BET1: variants seen among roughly 807,000 people sequenced by gnomAD.
BET1 encodes BET1 homolog.
In BET1, 9 loss-of-function variants were observed where a neutral mutation model predicts 13.9. The observed-to-expected ratio is 0.65, with a 90% CI of 0.39 to 1.13. The LOEUF is 1.13. BET1 is among the 50% of genes most tolerant of loss of function. The pLI is 0.01. For missense variants in BET1, 127 were observed against 133.6 expected, an observed-to-expected ratio of 0.95 and a Z score of 0.24; for synonymous variants, 39 against 47.3, an observed-to-expected ratio of 0.82 and a Z score of 0.72.
At chr7:93,989,790 GCT>G (rs1280296295), downstream of BET1, among the ~76,000 whole-genome samples, 1 of 152,148 alleles carries the variant, frequency 6.6e-6, no homozygotes, top group South Asian at 2.1e-4. Flanking sequence ...GGTTTAAAAT[GCT>G]CTCTGTGTGA....
chr7:93,976,099 C>A, exon 5 of BET1: 1 of 1,224,786 alleles, frequency 8.2e-7, no homozygotes, highest in South Asian at 1.4e-5. Context: ...CTGAAGGATC[C>A]ACTGTAAAAA....
chr7:93,970,189 G>T (rs2116025414), intron 6 of BET1, among the ~76,000 whole-genome samples: 1 of 151,880 alleles, frequency 6.6e-6, no homozygotes, highest in South Asian at 2.1e-4. Flanking sequence ...AGTGGATTTT[G>T]CAAAGAATAT....
exon 7 of BET1, chr7:93,963,475 G>C (rs1043459717): frequency 5.3e-5 from 8 of 151,636 alleles, no homozygotes; most frequent in African/African-American, 1.9e-4. Flanking sequence ...TATTTTATTT[G>C]TCCATTTTTT....
chr7:93,970,802 T>G (rs1443041864), intron 6 of BET1, among the ~76,000 whole-genome samples: 1 of 151,878 alleles, frequency 6.6e-6, no homozygotes, highest in Non-Finnish European at 1.5e-5. Context: ...TTAATTCGAT[T>G]TGTATTTTAA....
At chr7:93,987,948 G>A (rs1050923252) in intron 4 of BET1, among the ~76,000 whole-genome samples, 1 of 151,960 alleles carries the variant, frequency 6.6e-6, no homozygotes, top group African/African-American at 2.4e-5. Flanking sequence ...ATAATTTTTG[G>A]TCCCCAATTA....
At chr7:93,970,094 G>A (rs2116025090) in intron 6 of BET1, among the ~76,000 whole-genome samples, 1 of 151,848 alleles carries the variant, frequency 6.6e-6, no homozygotes. Flanking sequence ...CATACAAAAT[G>A]TGTTACATTA....
chr7:93,994,356 A>C lies in BET1; in HGVS notation c.231T>G (p.Phe77Leu), dbSNP rs1795712769. Residue 77 changes from phenylalanine (F) to leucine (L), a missense_variant, in exon 4 of 4, where the codon TTT becomes TTG. Coordinates refer to ENST00000222547, the MANE Select transcript of BET1 (RefSeq NM_005868.6). ...TCAGTTTGCCCATAGTTTTACCTAG[A>C]AATCCAGTTGTGGAATCAAATTGTG... ...MDSQFDSTTG[F>L]LGKTMGKLKI... is the part of the protein sequence containing the mutation. 1.2e-6 allele frequency: 2 copies of C among 1,613,308 alleles called. No individual in the cohort carries two copies. Among genetic ancestry groups the C allele is most frequent in the African/African-American group, 2.7e-5 (2 of 74,904 alleles).
chr7:93,971,845 G>A (rs1202126212), intron 6 of BET1, among the ~76,000 whole-genome samples: 1 of 151,344 alleles, frequency 6.6e-6, no homozygotes, highest in Admixed American at 6.6e-5. Flanking sequence ...AACTTTCCAT[G>A]AAGTAATCTG....
At position 93,996,341 on chromosome 7, in the gene BET1, CA is replaced by C. The variant is rs1795771326; in HGVS notation, c.145-21del. The C allele has an allele frequency of 6.6e-7, 1 of 1,505,552 alleles. No individual in the cohort carries two copies. Among genetic ancestry groups the C allele is most frequent in the East Asian group, 2.4e-5 (1 of 41,956 alleles). The allele number at this position is 1,505,552 out of a possible 1,614,324, so 93.3% of individuals were successfully genotyped here. A position where few individuals can be genotyped will look rare whatever the true frequency, so the allele number is the denominator to read the frequency against. ...GGAAAGCTATAAAGAAGAAGGTATACACAGGATTACTCACATAAAAGTATTC... is the reference window on the plus strand; with the variant it reads ...GGAAAGCTATAAAGAAGAAGGTATACCAGGATTACTCACATAAAAGTATTC... On this transcript the variant is annotated intron_variant, in intron 2 of 3. Transcript: ENST00000222547.
In BET1 at chr7:93,993,576, T is replaced by C. The variant is rs2116110840; in HGVS notation, c.*654A>G. ...GTCAAGAGAATTCATAAAGTTAATA[T>C]GAAATAATAACTATACTGATACACA... On this transcript the variant is annotated 3_prime_UTR_variant, in exon 4 of 4. Transcript: ENST00000222547. 1 of 1,075,004 alleles carries C rather than the reference T, an allele frequency of 9.3e-7. No individual in the cohort carries two copies. The highest frequency in any genetic ancestry group is 1.1e-6 in the Non-Finnish European group (1 of 886,694). 66.6% of individuals were successfully genotyped at this position (1,075,004 alleles called of 1,614,324 possible). A position where few individuals can be genotyped will look rare whatever the true frequency, so the allele number is the denominator to read the frequency against.
chr7:93,995,288 A>G (rs1795738558), intron 3 of BET1, among the ~76,000 whole-genome samples: 1 of 152,234 alleles, frequency 6.6e-6, no homozygotes, highest in African/African-American at 2.4e-5. Flanking sequence ...GTATTAAAAC[A>G]TAGCTGGAAA....
chr7:93,981,777 C>T (rs1795434974), intron 4 of BET1, among the ~76,000 whole-genome samples: 1 of 152,194 alleles, frequency 6.6e-6, no homozygotes, highest in Non-Finnish European at 1.5e-5. Flanking sequence ...GAAGTAACAC[C>T]TTCTCTTGGT....
chr7:93,966,618 G>A (rs985563049), intron 6 of BET1, among the ~76,000 whole-genome samples: 1 of 142,442 alleles, frequency 7.0e-6, no homozygotes. Context: ...TTTTTTTTTT[G>A]GTGGGAGATA....
At chr7:93,967,056 C>T (rs926449698) in intron 6 of BET1, among the ~76,000 whole-genome samples, 11 of 151,894 alleles carry the variant, frequency 7.2e-5, no homozygotes, top group Non-Finnish European at 1.3e-4. Flanking sequence ...TCATTCACTG[C>T]CATTCCACTA....
chr7:93,985,110 C>A (rs867356551), intron 4 of BET1, among the ~76,000 whole-genome samples: 25 of 152,278 alleles, frequency 1.6e-4, no homozygotes, highest in Middle Eastern at 3.4e-3. Context: ...TGCCCTCCCC[C>A]ACACTGTCTC....
downstream of BET1, chr7:93,991,608 G>A (rs1795636454): frequency 6.0e-6 from 1 of 166,084 alleles, no homozygotes; most frequent in Non-Finnish European, 1.2e-5. Flanking sequence ...CAGCCTATGA[G>A]TATATTTCTA....
intron 4 of BET1, among the ~76,000 whole-genome samples, chr7:93,984,825 G>T (rs1795495488): frequency 6.6e-6 from 1 of 152,080 alleles, no homozygotes; most frequent in African/African-American, 2.4e-5. Context: ...AGAAAACTTA[G>T]TCATGTATTA....
In BET1 at chr7:93,987,533, T is replaced by C. The variant is rs374811618; in HGVS notation, c.235+6819A>G. The stretch of plus-strand genomic sequence containing the variant: ...GGGTCATAGATTATCCCCTCTGAGG[T>C]AATTTCTAGGTGGGGGAGAGTTCTA... On this transcript the variant is annotated intron_variant and NMD_transcript_variant, in intron 4 of 6. Transcript: ENST00000357520. 3.9e-5 allele frequency among the ~76,000 whole-genome samples: 6 copies of C among 152,026 alleles called. No individual in the cohort carries two copies. The East Asian group carries it at 7.7e-4, about 20-fold the overall frequency.
chr7:94,001,758 T>C (rs1382016485), intron 1 of BET1, among the ~76,000 whole-genome samples: 1 of 152,250 alleles, frequency 6.6e-6, no homozygotes, highest in Non-Finnish European at 1.5e-5. Flanking sequence ...TTATTTTGTG[T>C]GGCTGAGGTT....
Sources: gnomAD v4.1 joint callset for allele counts (sites outside exome capture counted in the v4.1 genomes callset) on GRCh38, gnomAD v4.1.1 for gene constraint, MANE v1.5 for transcripts, NCBI Gene and HGNC (gene_info 2026-07-23, HGNC 2026-07-21) for gene names.